CDC42SE2: variants seen among roughly 807,000 people sequenced by gnomAD.
CDC42SE2 encodes CDC42 small effector 2, also known as CDC42 small effector protein 2.
In CDC42SE2, 3 loss-of-function variants were observed where a neutral mutation model predicts 11.5. That is an observed-to-expected ratio of 0.26 (90% CI 0.12 to 0.67). The LOEUF (loss-of-function observed/expected upper bound fraction) is 0.67, where lower values mean the gene tolerates loss of function less well. Among genes scored for constraint, CDC42SE2 ranks in the 30% least tolerant of loss-of-function variants. The pLI, the probability that CDC42SE2 is intolerant of heterozygous loss-of-function variation, is 0.80. For missense variants in CDC42SE2, 82 were observed against 106.8 expected, an observed-to-expected ratio of 0.77 and a Z score of 1.02; for synonymous variants, 33 against 34.8, an observed-to-expected ratio of 0.95 and a Z score of 0.18.
intron 4 of CDC42SE2, 63 bp from the exon 5 acceptor site, chr5:131,390,930 T>C: frequency 9.7e-7 from 1 of 1,030,210 alleles, no homozygotes; most frequent in South Asian, 1.5e-5. Context: ...AAGAATTACT[T>C]AGTTGCACCG....
chr5:131,296,753 C>G (rs1757578032), intron 1 of CDC42SE2, among the ~76,000 whole-genome samples: 1 of 152,088 alleles, frequency 6.6e-6, no homozygotes, highest in Non-Finnish European at 1.5e-5. Flanking sequence ...GAGGAGTGGG[C>G]AAATTCAACC....
At chr5:131,357,356 G>A (rs1432905873) in intron 2 of CDC42SE2, among the ~76,000 whole-genome samples, 1 of 152,210 alleles carries the variant, frequency 6.6e-6, no homozygotes, top group Non-Finnish European at 1.5e-5. Flanking sequence ...TTCATGCCTT[G>A]TTATACTACC....
intron 1 of CDC42SE2, among the ~76,000 whole-genome samples, chr5:131,289,149 G>A (rs563584367): frequency 6.6e-6 from 1 of 152,240 alleles, no homozygotes; most frequent in African/African-American, 2.4e-5. Flanking sequence ...TTTACATAAT[G>A]TATTGACTAA....
At chr5:131,308,264 G>A (rs1250737699) in intron 1 of CDC42SE2, among the ~76,000 whole-genome samples, 2 of 152,026 alleles carry the variant, frequency 1.3e-5, no homozygotes, top group Non-Finnish European at 2.9e-5. Flanking sequence ...TAGATATGCG[G>A]CGTTATTTCT....
chr5:131,322,463 T>C (rs1228536053), intron 2 of CDC42SE2, among the ~76,000 whole-genome samples: 1 of 152,232 alleles, frequency 6.6e-6, no homozygotes, highest in Admixed American at 6.5e-5. Context: ...ATAGTGTTCG[T>C]AAGGCTCATC....
intron 1 of CDC42SE2, among the ~76,000 whole-genome samples, chr5:131,309,173 C>G (rs888831508): frequency 6.6e-6 from 1 of 152,102 alleles, no homozygotes; most frequent in Non-Finnish European, 1.5e-5. Context: ...TGAATTTTGT[C>G]AAAGGCCTTT....
At chr5:131,324,436 A>G (rs1758256937) in intron 2 of CDC42SE2, among the ~76,000 whole-genome samples, 1 of 152,148 alleles carries the variant, frequency 6.6e-6, no homozygotes, top group Admixed American at 6.6e-5. Flanking sequence ...AGAAAAGATA[A>G]TGAAATCCTT....
At chr5:131,290,472 C>CT (rs1310572639) in intron 1 of CDC42SE2, among the ~76,000 whole-genome samples, 2,930 of 126,294 alleles carry the variant, frequency 0.023, 80 homozygotes, top group African/African-American at 0.068. Flanking sequence ...TTTTTTCTTT[C>CT]TTTTTTTTTT....
At chr5:131,335,799 T>A (rs1227634009) in intron 2 of CDC42SE2, among the ~76,000 whole-genome samples, 6 of 152,222 alleles carry the variant, frequency 3.9e-5, no homozygotes, top group Admixed American at 2.0e-4. Flanking sequence ...ACCCCTGCCT[T>A]TTTTTGTTTT....
At chr5:131,237,951 C>T in the CDC42SE2 span, among the ~76,000 whole-genome samples, 3 of 152,198 alleles carry the variant, frequency 2.0e-5, no homozygotes, top group East Asian at 3.9e-4. Context: ...TGGGAATTTA[C>T]TTCTTTCATA....
At chr5:131,281,875 A>G (rs1233583404) in intron 1 of CDC42SE2, among the ~76,000 whole-genome samples, 1 of 152,188 alleles carries the variant, frequency 6.6e-6, no homozygotes, top group Non-Finnish European at 1.5e-5. Context: ...AGAGTAATAC[A>G]TTTGTTAGGA....
intron 1 of CDC42SE2, among the ~76,000 whole-genome samples, chr5:131,285,771 GACTGAGAGGT>G (rs532387162): frequency 5.1e-4 from 77 of 152,278 alleles, no homozygotes; most frequent in African/African-American, 1.6e-3. Context: ...CCATAGCTGT[GACTGAGAGGT>G]CAGGAAACAA....
chr5:131,380,840 G>T (rs1322431779), intron 3 of CDC42SE2, among the ~76,000 whole-genome samples: 1 of 152,138 alleles, frequency 6.6e-6, no homozygotes, highest in African/African-American at 2.4e-5. Flanking sequence ...CTTTTCTCCA[G>T]AGTTGTCTCT....
At position 131,264,892 on chromosome 5, in the gene CDC42SE2, G is replaced by C. The variant is rs112779758; in HGVS notation, c.-455+726G>C. ...AACATTGGGGATTCCTCTTTAGCTT[G>C]CAATTATTTTAAATGATAAGCTTTT... is the stretch of plus-strand genomic sequence containing the variant. On this transcript the variant is annotated intron_variant, in intron 1 of 4. Coordinates refer to ENST00000505065, the MANE Select transcript of CDC42SE2 (RefSeq NM_001375635.1). 7.4e-3 allele frequency among the ~76,000 whole-genome samples: 1,124 copies of C among 152,328 alleles called. 10 individuals are homozygous for C. The highest frequency in any genetic ancestry group is 0.026 in the African/African-American group (1,074 of 41,576).
chr5:131,369,079 A>G (rs1162038391), intron 3 of CDC42SE2, among the ~76,000 whole-genome samples: 2 of 152,172 alleles, frequency 1.3e-5, no homozygotes, highest in Non-Finnish European at 2.9e-5. Flanking sequence ...CCTGATTTTT[A>G]TGGTAATCAC....
chr5:131,313,301 G>A (rs2551036), intron 1 of CDC42SE2, among the ~76,000 whole-genome samples: 116,373 of 151,948 alleles, frequency 0.77, 44,911 homozygotes, highest in Middle Eastern at 0.81. Flanking sequence ...TTCCTTTTCT[G>A]TTTGGATGCC....
chr5:131,252,368 T>C (rs1756647236), intron 1 of CDC42SE2, among the ~76,000 whole-genome samples: 2 of 152,266 alleles, frequency 1.3e-5, no homozygotes, highest in South Asian at 4.1e-4. Flanking sequence ...TCAAACTCCT[T>C]ATCGGCCAGT....
rs372156679 is a variant in CDC42SE2, at chr5:131,287,699, A to G, written c.-455+23533A>G. On this transcript the variant is annotated intron_variant, in intron 1 of 4. Transcript: ENST00000505065. ...ATGTTGCCCAGGCTGGTCTCGAACTACTAGGTTCCAGTGATCCGCCCTCTT... is the reference window on the plus strand; with the variant it reads ...ATGTTGCCCAGGCTGGTCTCGAACTGCTAGGTTCCAGTGATCCGCCCTCTT... 2.8e-4 allele frequency among the ~76,000 whole-genome samples: 42 copies of G among 151,450 alleles called. 2 individuals are homozygous for G. The East Asian group carries it at 3.3e-3, about 12-fold the overall frequency.
intron 2 of CDC42SE2, among the ~76,000 whole-genome samples, chr5:131,345,648 A>C (rs995617442): frequency 6.6e-6 from 1 of 152,178 alleles, no homozygotes; most frequent in Non-Finnish European, 1.5e-5. Context: ...AATACAGAGA[A>C]TGCCACAAAG....
Sources: allele counts gnomAD v4.1 joint callset (sites outside exome capture counted in the v4.1 genomes callset), GRCh38; gene constraint gnomAD v4.1.1; transcripts MANE v1.5; gene names NCBI Gene and HGNC (gene_info 2026-07-23, HGNC 2026-07-21).